The following EPHA6 variants were observed in gnomAD, a reference collection of about 807,000 sequenced individuals.
The protein encoded by EPHA6 is ephrin type-A receptor 6.
EPHA6 carries 50 observed loss-of-function variants against 112.0 expected under a neutral mutation model. That is an observed-to-expected ratio of 0.45 (90% CI 0.36 to 0.56). EPHA6 has a LOEUF of 0.56. EPHA6 is among the 20% of genes least tolerant of loss of function. The pLI is 0.00. For synonymous variants in EPHA6, 529 were observed against 490.7 expected (o/e 1.08, Z -1.03); for missense variants, 1,280 against 1,417.4 (o/e 0.90, Z 1.56).
intron 3 of EPHA6, among the ~76,000 whole-genome samples, chr3:97,179,302 A>G (rs548514433): frequency 6.6e-6 from 1 of 151,994 alleles, no homozygotes; most frequent in Admixed American, 6.6e-5. Flanking sequence ...TATTTTTTTG[A>G]GTTTCCTCAA....
At chr3:97,420,522 A>T (rs1397262740) in intron 6 of EPHA6, among the ~76,000 whole-genome samples, 2 of 152,124 alleles carry the variant, frequency 1.3e-5, no homozygotes, top group African/African-American at 4.8e-5. Flanking sequence ...TTGCATAATT[A>T]CTTCACTACT....
chr3:97,727,134 G>A (rs2034808106), intron 15 of EPHA6, among the ~76,000 whole-genome samples: 1 of 152,014 alleles, frequency 6.6e-6, no homozygotes, highest in Non-Finnish European at 1.5e-5. Context: ...ACTGCTATCA[G>A]GGAGCATTTC....
chr3:96,902,248 A>G (rs530885539), intron 2 of EPHA6, among the ~76,000 whole-genome samples: 1 of 152,360 alleles, frequency 6.6e-6, no homozygotes, highest in East Asian at 1.9e-4. Flanking sequence ...AAAGCAATGT[A>G]TCATCAGTCT....
intron 11 of EPHA6, among the ~76,000 whole-genome samples, chr3:97,558,272 C>T (rs1458228959): frequency 2.0e-5 from 3 of 151,908 alleles, no homozygotes; most frequent in Non-Finnish European, 2.9e-5. Context: ...TTTCCCATAT[C>T]CACAGGCATC....
chr3:96,851,061 G>C (rs1421549299), intron 1 of EPHA6, among the ~76,000 whole-genome samples: 4 of 152,076 alleles, frequency 2.6e-5, no homozygotes, highest in Non-Finnish European at 5.9e-5. Context: ...CCCCCTACCA[G>C]CATGAGTGCT....
At chr3:97,047,096 T>C (rs2045532943) in intron 3 of EPHA6, among the ~76,000 whole-genome samples, 1 of 152,076 alleles carries the variant, frequency 6.6e-6, no homozygotes, top group Non-Finnish European at 1.5e-5. Flanking sequence ...GGATTTGAAT[T>C]TGTATATGGT....
chr3:97,689,767 T>A (rs891747983), intron 14 of EPHA6, among the ~76,000 whole-genome samples: 1 of 152,146 alleles, frequency 6.6e-6, no homozygotes, highest in African/African-American at 2.4e-5. Context: ...ACACCCCCCC[T>A]AAAAATCTCA....
At chr3:97,412,947 G>T (rs2087834315) in intron 6 of EPHA6, among the ~76,000 whole-genome samples, 1 of 151,558 alleles carries the variant, frequency 6.6e-6, no homozygotes, top group Non-Finnish European at 1.5e-5. Flanking sequence ...AAGCATTTGG[G>T]CTAATACCCA....
At chr3:97,218,875 T>C (rs1259797900) in intron 3 of EPHA6, among the ~76,000 whole-genome samples, 3 of 152,106 alleles carry the variant, frequency 2.0e-5, no homozygotes, top group Non-Finnish European at 4.4e-5. Flanking sequence ...AGCAAGTGAA[T>C]TAGTTTCTAG....
chr3:97,010,126 C>G (rs2044033398), intron 3 of EPHA6: 2 of 1,240,680 alleles, frequency 1.6e-6, no homozygotes, highest in Non-Finnish European at 2.1e-6. Context: ...GTTACATTTA[C>G]AGCCAAAATT....
rs575423721 is a variant in EPHA6, at chr3:96,914,022, C to T, written c.450+47133C>T. On this transcript the variant is annotated intron_variant, in intron 2 of 17. Transcript: ENST00000389672. ...GATATGATCAACAATGTTAAATATG[C>T]GCCTAACGATATGAATTTCTCTTAT... Among the ~76,000 whole-genome samples the T allele has an allele frequency of 4.6e-5, 7 of 152,122 alleles. No individual in the cohort carries two copies. The South Asian group carries it at 1.2e-3, about 27-fold the overall frequency.
At chr3:96,846,531 A>G (rs567021478) in intron 1 of EPHA6, among the ~76,000 whole-genome samples, 56 of 152,168 alleles carry the variant, frequency 3.7e-4, no homozygotes, top group African/African-American at 1.3e-3. Flanking sequence ...AATTGTTATA[A>G]TAAGCCAAAC....
chr3:97,172,602 TG>T (rs1017057970), intron 3 of EPHA6, among the ~76,000 whole-genome samples: 8 of 152,018 alleles, frequency 5.3e-5, no homozygotes, highest in African/African-American at 1.7e-4. Flanking sequence ...ATAGTTTTTT[TG>T]GGGGGGACTG....
intron 5 of EPHA6, among the ~76,000 whole-genome samples, chr3:97,398,405 C>T (rs549136939): frequency 1.1e-4 from 17 of 151,510 alleles, no homozygotes; most frequent in Admixed American, 9.2e-4. Context: ...AATTCAAGAA[C>T]ATTAATGCAG....
At chr3:97,344,506 G>T (rs1035418654) in intron 5 of EPHA6, among the ~76,000 whole-genome samples, 2 of 152,084 alleles carry the variant, frequency 1.3e-5, no homozygotes, top group Admixed American at 1.3e-4. Context: ...ACCATGTGAG[G>T]ATACAGGGAG....
At chr3:97,272,297 CGTGTGTGTGTGTGTGTGTGT>C (rs58790255) in intron 5 of EPHA6, among the ~76,000 whole-genome samples, 2 of 150,244 alleles carry the variant, frequency 1.3e-5, no homozygotes, top group Non-Finnish European at 3.0e-5. Context: ...TATTCCATTT[CGTGTGTGTGTGTGTGTGTGT>C]GTGTGTGTGT....
chr3:97,436,889 C>T (rs2089869763), intron 6 of EPHA6, among the ~76,000 whole-genome samples: 1 of 152,120 alleles, frequency 6.6e-6, no homozygotes, highest in Admixed American at 6.6e-5. Context: ...GTAAAAAAAT[C>T]CAATGCACTA....
In EPHA6 at chr3:97,752,079, T is replaced by A. The variant is rs184979088; in HGVS notation, c.*3378T>A. Reference sequence around the variant, plus strand: ...ATTATAGCACTTTTGCAATGAGTTATAACTGGTGATAAATGTTCTACATTC... The same window carrying A: ...ATTATAGCACTTTTGCAATGAGTTAAAACTGGTGATAAATGTTCTACATTC... On this transcript the variant is annotated 3_prime_UTR_variant, in exon 18 of 18. Transcript: ENST00000389672. 4.5e-6 allele frequency: 1 copy of A among 224,326 alleles called. No individual in the cohort carries two copies. Among genetic ancestry groups the A allele is most frequent in the East Asian group, 6.5e-5 (1 of 15,330 alleles). The allele number at this position is 224,326 out of a possible 1,614,324, so 13.9% of individuals were successfully genotyped here. A position where few individuals can be genotyped will look rare whatever the true frequency, so the allele number is the denominator to read the frequency against.
At chr3:97,029,285 AATT>A (rs1377006516) in intron 3 of EPHA6, among the ~76,000 whole-genome samples, 4 of 151,642 alleles carry the variant, frequency 2.6e-5, no homozygotes, top group Non-Finnish European at 4.4e-5. Context: ...TAAAAGTAAA[AATT>A]ATTATATAAT....
Sources: gnomAD v4.1 joint callset for allele counts (sites outside exome capture counted in the v4.1 genomes callset) on GRCh38, gnomAD v4.1.1 for gene constraint, MANE v1.5 for transcripts, NCBI Gene and HGNC (gene_info 2026-07-23, HGNC 2026-07-21) for gene names.